Variants in NRCAM observed in about 807,000 individuals in gnomAD.
NRCAM encodes NgCAM-related cell adhesion molecule.
In NRCAM, 83 loss-of-function variants were observed where a neutral mutation model predicts 156.5. The ratio of observed to expected loss-of-function variants is 0.53; its 90% CI spans 0.44 to 0.64. NRCAM has a LOEUF of 0.64. Among genes scored for constraint, NRCAM ranks in the 30% least tolerant of loss-of-function variants. NRCAM has a pLI of 0.00. For synonymous variants in NRCAM, 538 were observed against 563.9 expected (o/e 0.95, Z 0.65); for missense variants, 1,417 against 1,597.3 (o/e 0.89, Z 1.92).
intron 2 of NRCAM, among the ~76,000 whole-genome samples, chr7:108,332,492 CTTACCA>C (rs1228471886): frequency 1.3e-5 from 2 of 152,142 alleles, no homozygotes; most frequent in Non-Finnish European, 2.9e-5. Context: ...TCACCATCTC[CTTACCA>C]CTCATGTCCC....
At chr7:108,393,514 CT>C (rs1432645522) in intron 2 of NRCAM, among the ~76,000 whole-genome samples, 2 of 152,170 alleles carry the variant, frequency 1.3e-5, no homozygotes, top group African/African-American at 4.8e-5. Flanking sequence ...AGGGAATTCC[CT>C]GACCCCTTGC....
chr7:108,444,553 C>T (rs1842336022), intron 1 of NRCAM, among the ~76,000 whole-genome samples: 1 of 152,186 alleles, frequency 6.6e-6, no homozygotes, highest in Non-Finnish European at 1.5e-5. Flanking sequence ...TGGTCCCTTC[C>T]AAGGGCTGTG....
chr7:108,412,068 C>T (rs570984067), intron 1 of NRCAM, among the ~76,000 whole-genome samples: 27 of 151,996 alleles, frequency 1.8e-4, no homozygotes, highest in African/African-American at 6.0e-4. Context: ...AATTGACTTC[C>T]AAAAAGGCTA....
At chr7:108,263,162 C>T (rs2096947782) in intron 3 of NRCAM, among the ~76,000 whole-genome samples, 1 of 152,202 alleles carries the variant, frequency 6.6e-6, no homozygotes, top group Non-Finnish European at 1.5e-5. Context: ...TGGCAGAAAA[C>T]CCCCAATTTC....
intron 2 of NRCAM, among the ~76,000 whole-genome samples, chr7:108,345,408 G>C (rs2099345742): frequency 1.3e-5 from 2 of 152,116 alleles, no homozygotes; most frequent in Non-Finnish European, 2.9e-5. Context: ...AAAAATGGCA[G>C]GCATATCATT....
intron 11 of NRCAM, among the ~76,000 whole-genome samples, chr7:108,221,394 C>T (rs2092219124): frequency 6.6e-6 from 1 of 152,200 alleles, no homozygotes; most frequent in Non-Finnish European, 1.5e-5. Flanking sequence ...AAGATACTTG[C>T]ACACGCATGT....
At chr7:108,244,670 T>C (rs1361519997) in intron 3 of NRCAM, among the ~76,000 whole-genome samples, 1 of 152,134 alleles carries the variant, frequency 6.6e-6, no homozygotes, top group Non-Finnish European at 1.5e-5. Context: ...GAGATGATAA[T>C]GATCAAACAA....
chr7:108,244,202 T>C (rs1261457360), intron 3 of NRCAM, among the ~76,000 whole-genome samples: 2 of 152,106 alleles, frequency 1.3e-5, no homozygotes, highest in Non-Finnish European at 2.9e-5. Context: ...ATTTGGGCTT[T>C]TCAGCATCCC....
intron 1 of NRCAM, among the ~76,000 whole-genome samples, chr7:108,429,687 T>C (rs1045703124): frequency 1.6e-4 from 24 of 152,226 alleles, no homozygotes; most frequent in African/African-American, 5.5e-4. Flanking sequence ...TCAACATATA[T>C]TTACTAAGAT....
intron 2 of NRCAM, among the ~76,000 whole-genome samples, chr7:108,342,884 G>A (rs542043289): frequency 5.0e-4 from 76 of 152,306 alleles, no homozygotes; most frequent in African/African-American, 1.8e-3. Context: ...TCAGACAACC[G>A]TTTACTTAAA....
At chr7:108,275,978 A>C (rs59068529) in intron 3 of NRCAM, among the ~76,000 whole-genome samples, 139 of 152,056 alleles carry the variant, frequency 9.1e-4, no homozygotes, top group African/African-American at 3.1e-3. Flanking sequence ...TTTCTGCCTT[A>C]ATTTCGTAAT....
chr7:108,343,186 A>G lies in NRCAM; in HGVS notation c.-173-30455T>C, dbSNP rs1430001607. ...AAGTAATCCCCTCACTCCAGGAACT[A>G]GTGCTCAGCTGGCAGAACTAATAGC... On this transcript the variant is annotated intron_variant, in intron 2 of 32. Coordinates refer to ENST00000379028, the MANE Select transcript of NRCAM (RefSeq NM_001037132.4). Among the ~76,000 whole-genome samples, 4 of 152,202 alleles carry G rather than the reference A, an allele frequency of 2.6e-5. No homozygotes were observed. In the East Asian group the frequency reaches 5.8e-4, roughly 22 times the overall value.
chr7:108,259,852 G>A (rs1000989707), intron 3 of NRCAM, among the ~76,000 whole-genome samples: 5 of 152,134 alleles, frequency 3.3e-5, no homozygotes, highest in Non-Finnish European at 5.9e-5. Context: ...GGCGGGTGGA[G>A]GGAGAGAGAG....
chr7:108,259,627 A>C (rs1441815524), intron 3 of NRCAM, among the ~76,000 whole-genome samples: 4 of 152,256 alleles, frequency 2.6e-5, no homozygotes, highest in African/African-American at 7.2e-5. Context: ...GATAAAGAAA[A>C]TGTGGTACAT....
intron 13 of NRCAM, among the ~76,000 whole-genome samples, chr7:108,202,573 A>G (rs541662341): frequency 1.3e-5 from 2 of 152,302 alleles, no homozygotes; most frequent in African/African-American, 4.8e-5. Context: ...TTTCTGGGAG[A>G]AGAGTTAAAT....
At chr7:108,279,459 T>C (rs1030836516) in intron 3 of NRCAM, among the ~76,000 whole-genome samples, 1 of 152,204 alleles carries the variant, frequency 6.6e-6, no homozygotes, top group African/African-American at 2.4e-5. Flanking sequence ...AGTTTGGGAA[T>C]TGGGGAGATT....
chr7:108,219,734 A>T (rs1268059509), intron 11 of NRCAM, among the ~76,000 whole-genome samples: 1 of 152,214 alleles, frequency 6.6e-6, no homozygotes, highest in Non-Finnish European at 1.5e-5. Context: ...TCAAACCCAC[A>T]GCCAACATAA....
intron 3 of NRCAM, among the ~76,000 whole-genome samples, chr7:108,291,967 T>A (rs2098309507): frequency 6.6e-6 from 1 of 152,152 alleles, no homozygotes. Flanking sequence ...AGCTAAAGAA[T>A]ACAGCTGTGC....
chr7:108,377,431 A>C (rs374438288), intron 2 of NRCAM, among the ~76,000 whole-genome samples: 1 of 152,198 alleles, frequency 6.6e-6, no homozygotes, highest in East Asian at 1.9e-4. Context: ...CCTCAGTGAG[A>C]ACATTAAATT....
Sources: gnomAD v4.1 joint callset for allele counts (sites outside exome capture counted in the v4.1 genomes callset) on GRCh38, gnomAD v4.1.1 for gene constraint, MANE v1.5 for transcripts, NCBI Gene and HGNC (gene_info 2026-07-23, HGNC 2026-07-21) for gene names.